The following OAT variants were observed in gnomAD, a reference collection of about 807,000 sequenced individuals.
OAT encodes ornithine aminotransferase, also known as ornithine aminotransferase, mitochondrial.
In OAT, 35 loss-of-function variants were observed where a neutral mutation model predicts 48.4. The observed-to-expected ratio is 0.72, with a 90% confidence interval of 0.55 to 0.96. The LOEUF is 0.96. OAT is among the 40% of genes least tolerant of loss of function. OAT has a pLI of 0.00. For missense variants in OAT, 438 were observed against 537.9 expected (o/e 0.81, Z 1.84); for synonymous variants, 182 against 198.4 (o/e 0.92, Z 0.70).
At chr10:124,405,842 C>T (rs993865754) in intron 4 of OAT, 2 of 1,227,990 alleles carry the variant, frequency 1.6e-6, no homozygotes, top group Non-Finnish European at 2.1e-6. Flanking sequence ...AGATAGATAA[C>T]TTACTTTTCT....
At position 124,408,544 on chromosome 10, in the gene OAT, GCAAAAA is replaced by G; in HGVS notation, c.512_517del (p.Val171_Phe172del). The stretch of plus-strand genomic sequence containing the variant: ...AGTTAATATTTAATTTCACATACCT[GCAAAAA>G]CAATCTTTGCTTTGTATTTCTGAAT... On this transcript the variant is annotated inframe_deletion, in exon 4 of 10. Transcript: ENST00000368845. 1 of 1,608,134 alleles carries G rather than the reference GCAAAAA, an allele frequency of 6.2e-7. No homozygotes were observed. Among genetic ancestry groups the G allele is most frequent in the South Asian group, 1.1e-5 (1 of 90,908 alleles).
intron 1 of OAT, among the ~76,000 whole-genome samples, chr10:124,417,283 CTTTTTTTT>C (rs59171918): frequency 4.6e-5 from 4 of 87,020 alleles, no homozygotes; most frequent in African/African-American, 1.5e-4. Flanking sequence ...AAACTATAAG[CTTTTTTTT>C]TTTTTTTTTT....
chr10:124,403,806 T>G lies in OAT; in HGVS notation c.763A>C (p.Arg255=). 6.2e-7 allele frequency: 1 copy of G among 1,614,178 alleles called. No homozygotes were observed. Among genetic ancestry groups the G allele is most frequent in the Non-Finnish European group, 8.5e-7 (1 of 1,180,006 alleles). ...ACAGCTAACGTGACAACCTGGTGCCTGGTGCAGAGCTCTCGCACTCCCATT... is the reference window on the plus strand; with the variant it reads ...ACAGCTAACGTGACAACCTGGTGCCGGGTGCAGAGCTCTCGCACTCCCATT... The part of the protein sequence containing the change: ...YLMGVRELCT[R]HQVLFIADEI... Residue 255 remains arginine, a synonymous_variant, in exon 6 of 10, where the codon AGG becomes CGG. Transcript: ENST00000368845.
chr10:124,409,021 C>A lies in OAT; in HGVS notation c.200-56G>T, dbSNP rs1019738683. The A allele has an allele frequency of 5.0e-6, 7 of 1,391,374 alleles. No individual in the cohort carries two copies. The African/African-American group carries it at 5.7e-5, about 11-fold the overall frequency. 86.2% of individuals were successfully genotyped at this position (1,391,374 alleles called of 1,614,324 possible). A position where few individuals can be genotyped will look rare whatever the true frequency, so the allele number is the denominator to read the frequency against. On this transcript the variant is annotated intron_variant, in intron 2 of 9. Coordinates refer to ENST00000368845, the MANE Select transcript of OAT (RefSeq NM_000274.4). Reference sequence around the variant, plus strand: ...AGACAATTACTATACGGCATAAAGTCCAAAAATTAAGAGTGCTAGCAAGCC... The same window carrying A: ...AGACAATTACTATACGGCATAAAGTACAAAAATTAAGAGTGCTAGCAAGCC...
rs769995438 is a variant in OAT at position 124,400,895 on chromosome 10, T to C, written c.1104A>G (p.Val368=). Residue 368 remains valine (V), a synonymous_variant, in exon 9 of 10, where the codon GTA becomes GTG. Coordinates refer to ENST00000368845, the MANE Select transcript of OAT (RefSeq NM_000274.4). ...NELMKLPSDV[V]TAVRGKGLLN... is the part of the protein sequence containing the mutation. ...ATAATCCTTTTCCTCTTACGGCAGT[T>C]ACAACATCAGAAGGTAGCTTCATGA... The C allele has an allele frequency of 6.2e-7, 1 of 1,607,240 alleles. No homozygotes were observed. The highest frequency in any genetic ancestry group is 8.5e-7 in the Non-Finnish European group (1 of 1,175,482).
intron 2 of OAT, among the ~76,000 whole-genome samples, chr10:124,410,992 T>C (rs1233798527): frequency 1.3e-5 from 2 of 150,596 alleles, no homozygotes; most frequent in African/African-American, 4.9e-5. Flanking sequence ...ATACAAAAAT[T>C]AGCTGGACGT....
intron 2 of OAT, among the ~76,000 whole-genome samples, chr10:124,411,685 G>A (rs552497035): frequency 7.8e-4 from 118 of 152,068 alleles, no homozygotes; most frequent in Middle Eastern, 3.4e-3. Context: ...GTGTGGTGGC[G>A]CACGCCTGTA....
At chr10:124,400,467 A>AT (rs1487341570) in intron 9 of OAT, among the ~76,000 whole-genome samples, 9 of 147,932 alleles carry the variant, frequency 6.1e-5, no homozygotes, top group African/African-American at 2.0e-4. Context: ...AAAAAAAAAA[A>AT]GTGTGGCCGG....
In OAT at chr10:124,408,619, G is replaced by A. The variant is rs1057003570; in HGVS notation, c.443C>T (p.Thr148Ile). The stretch of plus-strand genomic sequence containing the variant: ...CCACTTACGAGCTAGTTTACAGGCA[G>A]TCTCTCCAGCCTCCACTCCTATCAG... ...PMNTGVEAGETACKLARKWGY... is the reference protein window; with the variant it reads ...PMNTGVEAGEIACKLARKWGY... The change falls in exon 4 of 10, where the codon ACT becomes ATT. Residue 148 changes from threonine to isoleucine, a missense_variant. Thr to Ile is a moderately conservative substitution (Grantham distance 89). Transcript: ENST00000368845. 6.2e-7 allele frequency: 1 copy of A among 1,612,772 alleles called. No homozygotes were observed. The highest frequency in any genetic ancestry group is 8.5e-7 in the Non-Finnish European group (1 of 1,179,506).
chr10:124,417,904 C>G (rs2134512339), intron 1 of OAT, among the ~76,000 whole-genome samples: 1 of 152,266 alleles, frequency 6.6e-6, no homozygotes, highest in African/African-American at 2.4e-5. Flanking sequence ...AACTGAACAC[C>G]GAAAAGGTAA....
intron 1 of OAT, among the ~76,000 whole-genome samples, chr10:124,413,360 C>CT (rs1206207906): frequency 6.6e-6 from 1 of 151,358 alleles, no homozygotes; most frequent in Non-Finnish European, 1.5e-5. Flanking sequence ...ATGGTTGTTT[C>CT]TACAAAACTT....
At chr10:124,413,964 C>T (rs898052637) in intron 1 of OAT, among the ~76,000 whole-genome samples, 18 of 147,060 alleles carry the variant, frequency 1.2e-4, no homozygotes, top group Non-Finnish European at 2.1e-4. Flanking sequence ...GAAGTAAAAA[C>T]TAAGCTATGA....
At chr10:124,412,232 G>A in intron 1 of OAT, 32 bp from the exon 2 acceptor site, 1 of 1,518,066 alleles carries the variant, frequency 6.6e-7, no homozygotes, top group Non-Finnish European at 9.1e-7. Context: ...CATTAAGAGT[G>A]AGAATCCTTG....
In OAT at chr10:124,406,302, C is replaced by T. The variant is rs1234091829; in HGVS notation, c.521-739G>A. On this transcript the variant is annotated intron_variant, in intron 4 of 9. Coordinates refer to ENST00000368845, the MANE Select transcript of OAT (RefSeq NM_000274.4). ...GGTCAGGAGTTCAAGACCAGCCTGG[C>T]CAACATGGTGAAACCCCATCTCTAC... 4.2e-5 allele frequency: 7 copies of T among 166,860 alleles called. No individual in the cohort carries two copies. The East Asian group carries it at 5.9e-4, about 14-fold the overall frequency. The allele number at this position is 166,860 out of a possible 1,614,324, so 10.3% of individuals were successfully genotyped here. A position where few individuals can be genotyped will look rare whatever the true frequency, so the allele number is the denominator to read the frequency against.
intron 4 of OAT, among the ~76,000 whole-genome samples, 174 bp downstream of exon 4, chr10:124,408,368 A>T (rs1237283146): frequency 1.5e-5 from 2 of 136,896 alleles, no homozygotes; most frequent in African/African-American, 2.7e-5. Context: ...TTTTAAATAG[A>T]GACAGGGTCT....
intron 9 of OAT, among the ~76,000 whole-genome samples, chr10:124,400,214 C>T (rs933745902): frequency 6.6e-6 from 1 of 152,142 alleles, no homozygotes; most frequent in African/African-American, 2.4e-5. Flanking sequence ...CTTTCAGAGG[C>T]TGAGGCAGGC....
In OAT at chr10:124,408,649, G is replaced by A; in HGVS notation, c.425-12C>T. 6 of 1,606,240 alleles carry A rather than the reference G, an allele frequency of 3.7e-6. No homozygotes were observed. In the South Asian group the frequency reaches 6.6e-5, roughly 18 times the overall value. On this transcript the variant is annotated splice_polypyrimidine_tract_variant and intron_variant, in intron 3 of 9. Coordinates refer to ENST00000368845, the MANE Select transcript of OAT (RefSeq NM_000274.4). ...TCCAGCCTCCACTCCTATCAGGAGA[G>A]AAAAATGTTCAGATTTTTTTAAAAT...
intron 6 of OAT, 84 bp from the exon 7 acceptor site, chr10:124,403,139 A>G: frequency 6.9e-7 from 1 of 1,453,630 alleles, no homozygotes; most frequent in Non-Finnish European, 9.7e-7. Flanking sequence ...CTGTCCCCCC[A>G]CCAACAATAA....
intron 8 of OAT, 105 bp downstream of exon 8, chr10:124,401,621 T>C: frequency 1.3e-6 from 1 of 771,804 alleles, no homozygotes; most frequent in Non-Finnish European, 2.2e-6. Flanking sequence ...TTTTCTAATA[T>C]TTGGCATTCT....
Sources: gnomAD v4.1 joint callset for allele counts (sites outside exome capture counted in the v4.1 genomes callset) on GRCh38, gnomAD v4.1.1 for gene constraint, MANE v1.5 for transcripts, NCBI Gene and HGNC (gene_info 2026-07-23, HGNC 2026-07-21) for gene names.